The following MEGF11 variants were observed in gnomAD, a reference collection of about 807,000 sequenced individuals.
MEGF11 encodes the protein multiple epidermal growth factor-like domains protein 11.
In MEGF11, 126 loss-of-function variants were observed where a neutral mutation model predicts 146.6. The ratio of observed to expected loss-of-function variants is 0.86; its 90% confidence interval spans 0.74 to 1.00. MEGF11 has a LOEUF of 1.00. MEGF11 is among the 50% of genes least tolerant of loss of function. The pLI is 0.00. For synonymous variants in MEGF11, 532 were observed against 583.4 expected (o/e 0.91, Z 1.27); for missense variants, 1,509 against 1,521.2 (o/e 0.99, Z 0.13).
At chr15:66,223,733 A>G (rs1223310513) in intron 1 of MEGF11, among the ~76,000 whole-genome samples, 1 of 152,224 alleles carries the variant, frequency 6.6e-6, no homozygotes, top group East Asian at 1.9e-4. Flanking sequence ...AAAAAAATAA[A>G]ATAAAAATGA....
At chr15:66,232,298 T>C (rs534669343) in intron 1 of MEGF11, among the ~76,000 whole-genome samples, 1 of 152,062 alleles carries the variant, frequency 6.6e-6, no homozygotes, top group Non-Finnish European at 1.5e-5. Flanking sequence ...CATTTCCCAT[T>C]ATCTTCTCTC....
At chr15:66,018,366 C>A (rs1290617376) in intron 5 of MEGF11, among the ~76,000 whole-genome samples, 1 of 152,236 alleles carries the variant, frequency 6.6e-6, no homozygotes, top group Non-Finnish European at 1.5e-5. Flanking sequence ...TGTGGCTGGG[C>A]TCCTTCCTCT....
At chr15:65,958,352 G>A (rs139704673) in intron 9 of MEGF11, among the ~76,000 whole-genome samples, 408 of 152,184 alleles carry the variant, frequency 2.7e-3, no homozygotes, top group Non-Finnish European at 4.1e-3. Context: ...AGGACCATTC[G>A]GCTAGAGGCA....
At chr15:65,959,773 C>G (rs1362373327) in intron 9 of MEGF11, among the ~76,000 whole-genome samples, 5 of 152,094 alleles carry the variant, frequency 3.3e-5, no homozygotes, top group African/African-American at 1.2e-4. Flanking sequence ...TATTTCTAAT[C>G]GTCAAATAAG....
intron 1 of MEGF11, among the ~76,000 whole-genome samples, chr15:66,243,302 T>C (rs1419870591): frequency 6.6e-6 from 1 of 152,132 alleles, no homozygotes; most frequent in African/African-American, 2.4e-5. Flanking sequence ...TCCCCTGGCG[T>C]TGAGGACTCC....
chr15:65,996,429 T>C (rs2082199041), intron 5 of MEGF11, among the ~76,000 whole-genome samples: 1 of 152,168 alleles, frequency 6.6e-6, no homozygotes. Flanking sequence ...ACTTGCCCTT[T>C]AAATACTGTG....
chr15:66,170,312 G>A lies in MEGF11; in HGVS notation c.-8-41901C>T, dbSNP rs554479062. Among the ~76,000 whole-genome samples the A allele has an allele frequency of 5.9e-5, 9 of 152,254 alleles. No homozygotes were observed. In the South Asian group the frequency reaches 1.0e-3, roughly 18 times the overall value. ...AGGAGAGCTCTTCTGGATATTTTGC[G>A]TTTTGCAGAAGAGATTGGCTAAGCA... On this transcript the variant is annotated intron_variant, in intron 1 of 25. Coordinates refer to ENST00000395614, the MANE Select transcript of MEGF11 (RefSeq NM_001385028.1).
chr15:66,028,018 G>A (rs1475661747), intron 5 of MEGF11, among the ~76,000 whole-genome samples: 1 of 152,158 alleles, frequency 6.6e-6, no homozygotes, highest in East Asian at 1.9e-4. Flanking sequence ...ACAGATGCAA[G>A]GTGCTCTGAC....
intron 1 of MEGF11, among the ~76,000 whole-genome samples, chr15:66,139,998 C>T (rs2089071211): frequency 6.6e-6 from 1 of 152,220 alleles, no homozygotes; most frequent in Non-Finnish European, 1.5e-5. Flanking sequence ...GTGGCCAAAA[C>T]AGCCGATCAC....
chr15:65,967,430 G>A (rs1316883276), intron 8 of MEGF11, among the ~76,000 whole-genome samples: 2 of 152,006 alleles, frequency 1.3e-5, no homozygotes, highest in Non-Finnish European at 2.9e-5. Context: ...TAATCAGAGG[G>A]GAAAAGCAAT....
chr15:66,139,970 C>A (rs2089069805), intron 1 of MEGF11, among the ~76,000 whole-genome samples: 1 of 152,152 alleles, frequency 6.6e-6, no homozygotes, highest in South Asian at 2.1e-4. Flanking sequence ...TTAACTGGAG[C>A]CTTCAGTTAA....
At chr15:66,197,414 T>C (rs192739078) in intron 1 of MEGF11, among the ~76,000 whole-genome samples, 43 of 152,210 alleles carry the variant, frequency 2.8e-4, no homozygotes, top group African/African-American at 8.7e-4. Context: ...AGCTGATGTT[T>C]TTTGTTGTTT....
At chr15:66,117,212 C>T (rs767150064) in intron 4 of MEGF11, among the ~76,000 whole-genome samples, 10 of 152,116 alleles carry the variant, frequency 6.6e-5, no homozygotes, top group African/African-American at 9.7e-5. Context: ...AACCCAGACC[C>T]CTGTGATTCT....
chr15:66,017,933 T>C (rs964941761), intron 5 of MEGF11, among the ~76,000 whole-genome samples: 2 of 152,062 alleles, frequency 1.3e-5, no homozygotes, highest in Admixed American at 6.5e-5. Flanking sequence ...AAGAGAGGGT[T>C]TCAGGGAAGG....
At chr15:65,915,428 G>GC (rs2078960242) in intron 19 of MEGF11, 42 bp downstream of exon 19, 18 of 1,604,010 alleles carry the variant, frequency 1.1e-5, no homozygotes, top group Non-Finnish European at 1.5e-5. Context: ...CTGCCATGGG[G>GC]CCCTTTCCAC....
intron 4 of MEGF11, among the ~76,000 whole-genome samples, chr15:66,108,224 G>A (rs150348793): frequency 5.2e-3 from 787 of 152,332 alleles, no homozygotes; most frequent in Non-Finnish European, 8.4e-3. Context: ...CCTGCGGAAC[G>A]CACCTGGAGT....
chr15:65,928,927 G>A (rs1028808521), intron 12 of MEGF11, among the ~76,000 whole-genome samples: 2 of 152,168 alleles, frequency 1.3e-5, no homozygotes, highest in Non-Finnish European at 2.9e-5. Context: ...GAATGACTAT[G>A]ATTTATTCTT....
intron 5 of MEGF11, among the ~76,000 whole-genome samples, chr15:65,986,045 G>C (rs1482550603): frequency 6.6e-6 from 1 of 151,108 alleles, no homozygotes. Context: ...TCCACTTCCC[G>C]GGTTCAAGCG....
At chr15:66,044,677 TAAA>T (rs1001353554) in intron 5 of MEGF11, among the ~76,000 whole-genome samples, 32 of 12,430 alleles carry the variant, frequency 2.6e-3, no homozygotes, top group Non-Finnish European at 4.5e-3. Flanking sequence ...CTCGTATCAC[TAAA>T]AATAATAATA....
Sources: allele counts gnomAD v4.1 joint callset (sites outside exome capture counted in the v4.1 genomes callset), GRCh38; gene constraint gnomAD v4.1.1; transcripts MANE v1.5; gene names NCBI Gene and HGNC (gene_info 2026-07-23, HGNC 2026-07-21).